Variants in AFG1L observed in about 807,000 individuals in gnomAD.
The protein encoded by AFG1L is AFG1 like ATPase, also known as AFG1-like ATPase.
Under a neutral mutation model 62.2 loss-of-function variants are expected in AFG1L, and 53 were observed. The observed-to-expected ratio is 0.85, with a 90% CI of 0.68 to 1.07. The LOEUF (loss-of-function observed/expected upper bound fraction) is 1.07. Among genes scored for constraint, AFG1L ranks in the 50% least tolerant of loss-of-function variants. AFG1L has a pLI of 0.00. For synonymous variants in AFG1L, 228 were observed against 210.3 expected (o/e 1.08, Z -0.73); for missense variants, 555 against 590.5 (o/e 0.94, Z 0.62).
At chr6:108,481,356 T>C (rs1215797409) in intron 10 of AFG1L, among the ~76,000 whole-genome samples, 2 of 152,172 alleles carry the variant, frequency 1.3e-5, no homozygotes, top group Admixed American at 6.5e-5. Context: ...GTCAGAAATA[T>C]GGTTATTGAA....
intron 5 of AFG1L, among the ~76,000 whole-genome samples, chr6:108,360,960 G>A (rs1336140498): frequency 6.6e-6 from 1 of 152,258 alleles, no homozygotes; most frequent in Admixed American, 6.5e-5. Flanking sequence ...TGGTCCCTCT[G>A]TTCTGAGAGC....
intron 8 of AFG1L, among the ~76,000 whole-genome samples, chr6:108,467,653 C>T (rs974137955): frequency 6.6e-6 from 1 of 152,170 alleles, no homozygotes; most frequent in South Asian, 2.1e-4. Context: ...ATTATTGCAA[C>T]ATATAATCTT....
At chr6:108,371,985 T>C (rs933371810) in intron 6 of AFG1L, among the ~76,000 whole-genome samples, 3 of 152,100 alleles carry the variant, frequency 2.0e-5, no homozygotes, top group African/African-American at 7.2e-5. Flanking sequence ...CTCAGACTCC[T>C]GGGCTCAAGT....
chr6:108,415,970 C>T (rs1182635154), intron 7 of AFG1L, among the ~76,000 whole-genome samples: 1 of 152,178 alleles, frequency 6.6e-6, no homozygotes, highest in African/African-American at 2.4e-5. Context: ...AAACTACCAT[C>T]AGAGTGAACA....
At chr6:108,488,411 T>C (rs1773649411) in intron 10 of AFG1L, among the ~76,000 whole-genome samples, 1 of 152,142 alleles carries the variant, frequency 6.6e-6, no homozygotes, top group Non-Finnish European at 1.5e-5. Context: ...AACTGGGCCT[T>C]GAAGGCTGGA....
intron 10 of AFG1L, among the ~76,000 whole-genome samples, chr6:108,488,703 CA>C (rs78193331): frequency 0.03 from 3,970 of 132,218 alleles, 140 homozygotes; most frequent in African/African-American, 0.092. Context: ...ACTGAAATAC[CA>C]AAAAAAAAAA....
At chr6:108,311,654 G>A (rs1036025873) in intron 1 of AFG1L, among the ~76,000 whole-genome samples, 1 of 151,864 alleles carries the variant, frequency 6.6e-6, no homozygotes, top group African/African-American at 2.4e-5. Context: ...ACTCCACCAA[G>A]CCCAGCTGTC....
In AFG1L at chr6:108,524,434, T is replaced by C. The variant is rs1775248009; in HGVS notation, c.*2009T>C. On this transcript the variant is annotated 3_prime_UTR_variant, in exon 13 of 13. Transcript: ENST00000368977. ...TTATAAAAGTTCATCTGAGGTCAGA[T>C]ATTGGGAATAAAGTTTCATTTTTCC... The C allele has an allele frequency of 6.6e-6, 1 of 152,264 alleles. No individual in the cohort carries two copies. Among genetic ancestry groups the C allele is most frequent in the Non-Finnish European group, 1.5e-5 (1 of 68,052 alleles). 9.4% of individuals were successfully genotyped at this position (152,264 alleles called of 1,614,324 possible). A position where few individuals can be genotyped will look rare whatever the true frequency, so the allele number is the denominator to read the frequency against.
intron 1 of AFG1L, 89 bp downstream of exon 1, chr6:108,295,307 G>A: frequency 6.9e-7 from 1 of 1,444,742 alleles, no homozygotes; most frequent in African/African-American, 1.4e-5. Context: ...TCTACCCCAG[G>A]TGTCTCCTGC....
At chr6:108,308,390 A>G (rs183311921) in intron 1 of AFG1L, among the ~76,000 whole-genome samples, 34 of 152,276 alleles carry the variant, frequency 2.2e-4, no homozygotes, top group African/African-American at 7.7e-4. Flanking sequence ...GCCTCAAGCT[A>G]TCCTCCCACC....
intron 10 of AFG1L, among the ~76,000 whole-genome samples, chr6:108,490,813 C>T (rs1161780112): frequency 6.6e-6 from 1 of 152,194 alleles, no homozygotes; most frequent in Admixed American, 6.6e-5. Flanking sequence ...TTCTACTTCC[C>T]TACACTGGGC....
At chr6:108,441,374 TC>T (rs1329626011) in intron 7 of AFG1L, among the ~76,000 whole-genome samples, 1 of 152,150 alleles carries the variant, frequency 6.6e-6, no homozygotes, top group African/African-American at 2.4e-5. Flanking sequence ...TGTGCTAACC[TC>T]CCTCCTTTTC....
chr6:108,459,815 A>T (rs1638393363), intron 8 of AFG1L, among the ~76,000 whole-genome samples: 1 of 152,204 alleles, frequency 6.6e-6, no homozygotes, highest in African/African-American at 2.4e-5. Context: ...CCTGAATTTT[A>T]TCCATTTACA....
intron 10 of AFG1L, among the ~76,000 whole-genome samples, chr6:108,500,218 A>G (rs1253648601): frequency 1.5e-5 from 2 of 130,202 alleles, no homozygotes; most frequent in East Asian, 4.4e-4. Flanking sequence ...GTGTACATAT[A>G]CGTATACCTG....
At chr6:108,487,116 A>T (rs1305007708) in intron 10 of AFG1L, among the ~76,000 whole-genome samples, 2 of 152,258 alleles carry the variant, frequency 1.3e-5, no homozygotes, top group Non-Finnish European at 2.9e-5. Flanking sequence ...AATAAAGGAA[A>T]TAACATAAGC....
intron 1 of AFG1L, among the ~76,000 whole-genome samples, chr6:108,308,919 C>G (rs1777304680): frequency 6.6e-6 from 1 of 152,076 alleles, no homozygotes; most frequent in South Asian, 2.1e-4. Flanking sequence ...GTTGGCCCCG[C>G]TAGTCTTGAA....
At chr6:108,434,731 G>A (rs1771230213) in intron 7 of AFG1L, among the ~76,000 whole-genome samples, 2 of 152,210 alleles carry the variant, frequency 1.3e-5, no homozygotes, top group South Asian at 4.1e-4. Context: ...TTTACGACAT[G>A]AGCTCTTGCC....
intron 6 of AFG1L, among the ~76,000 whole-genome samples, chr6:108,398,167 T>C (rs186020424): frequency 6.6e-6 from 1 of 152,342 alleles, no homozygotes; most frequent in African/African-American, 2.4e-5. Context: ...AGATGATACT[T>C]CATTGTAGTT....
chr6:108,329,288 A>T (rs1778176867), intron 2 of AFG1L, among the ~76,000 whole-genome samples: 1 of 151,754 alleles, frequency 6.6e-6, no homozygotes, highest in Non-Finnish European at 1.5e-5. Context: ...TAAAGATTTT[A>T]CTTAAAAATG....
Sources: allele counts gnomAD v4.1 joint callset (sites outside exome capture counted in the v4.1 genomes callset), GRCh38; gene constraint gnomAD v4.1.1; transcripts MANE v1.5; gene names NCBI Gene and HGNC (gene_info 2026-07-23, HGNC 2026-07-21).